Variants in IMMP2L observed in about 807,000 individuals in gnomAD.
IMMP2L encodes the protein inner mitochondrial membrane peptidase subunit 2.
Under a neutral mutation model 19.3 loss-of-function variants are expected in IMMP2L, and 18 were observed. The ratio of observed to expected loss-of-function variants is 0.93; its 90% confidence interval spans 0.64 to 1.38. The LOEUF is 1.38. Ranked by LOEUF, IMMP2L falls within the 40% of genes most tolerant of loss-of-function variation. IMMP2L has a pLI of 0.00. For synonymous variants in IMMP2L, 76 were observed against 73.0 expected, an observed-to-expected ratio of 1.04 and a Z score of -0.21; for missense variants, 233 against 218.2, an observed-to-expected ratio of 1.07 and a Z score of -0.43.
chr7:111,555,323 C>T (rs1481716267), intron 1 of IMMP2L, among the ~76,000 whole-genome samples: 1 of 152,014 alleles, frequency 6.6e-6, no homozygotes, highest in Admixed American at 6.6e-5. Flanking sequence ...GAGAGCAAGA[C>T]AGCAGTGAAC....
intron 3 of IMMP2L, among the ~76,000 whole-genome samples, chr7:111,051,883 A>C (rs1461768398): frequency 6.6e-6 from 1 of 152,208 alleles, no homozygotes; most frequent in Non-Finnish European, 1.5e-5. Context: ...CAACTGACTC[A>C]ATGGACCTCT....
chr7:111,104,630 A>C (rs2129580988), intron 3 of IMMP2L, among the ~76,000 whole-genome samples: 1 of 151,880 alleles, frequency 6.6e-6, no homozygotes, highest in East Asian at 1.9e-4. Flanking sequence ...AGTCTTTTTG[A>C]TTCGGGGAGC....
At chr7:111,276,875 C>A (rs1375530770) in intron 3 of IMMP2L, among the ~76,000 whole-genome samples, 8 of 152,050 alleles carry the variant, frequency 5.3e-5, no homozygotes, top group Admixed American at 5.3e-4. Flanking sequence ...GAAAATGCCA[C>A]CTTATTTAAT....
At chr7:111,299,666 GAT>G (rs895570655) in intron 3 of IMMP2L, among the ~76,000 whole-genome samples, 2 of 150,828 alleles carry the variant, frequency 1.3e-5, no homozygotes, top group Admixed American at 6.6e-5. Flanking sequence ...TTATTAATGA[GAT>G]AACAGTTTAC....
At position 111,519,741 on chromosome 7, in the gene IMMP2L, T is replaced by C. The variant is rs1422632786; in HGVS notation, c.135+1572A>G. Among the ~76,000 whole-genome samples, 5 of 152,072 alleles carry C rather than the reference T, an allele frequency of 3.3e-5. No homozygotes were observed. The East Asian group carries it at 5.8e-4, about 18-fold the overall frequency. On this transcript the variant is annotated intron_variant, in intron 2 of 5. Transcript: ENST00000405709. ...ATATATTAGGCTAAAAATATGAAGA[T>C]TGGGATATTATGATTGCCACATGAT...
At chr7:111,030,495 T>G (rs7801774) in intron 3 of IMMP2L, among the ~76,000 whole-genome samples, 102,929 of 149,080 alleles carry the variant, frequency 0.69, 35,504 homozygotes, top group African/African-American at 0.79. Context: ...ACAGTTAAAA[T>G]ATCTACACAA....
chr7:111,348,486 G>C (rs769406673), intron 3 of IMMP2L, among the ~76,000 whole-genome samples: 16 of 151,844 alleles, frequency 1.1e-4, no homozygotes, highest in African/African-American at 3.6e-4. Context: ...GCCAGTTTTC[G>C]GTCCATCTAA....
chr7:110,854,043 C>T (rs1003834593), intron 5 of IMMP2L, among the ~76,000 whole-genome samples: 2 of 151,740 alleles, frequency 1.3e-5, no homozygotes, highest in Non-Finnish European at 2.9e-5. Context: ...AAAGTGAAAG[C>T]AAAAGAGCCT....
chr7:111,440,790 T>C (rs1837634770), intron 3 of IMMP2L, among the ~76,000 whole-genome samples: 1 of 151,948 alleles, frequency 6.6e-6, no homozygotes, highest in Non-Finnish European at 1.5e-5. Context: ...ATCTTCTTCC[T>C]ATATAAAGCT....
intron 3 of IMMP2L, among the ~76,000 whole-genome samples, chr7:111,340,887 C>A (rs1388522460): frequency 6.6e-6 from 1 of 151,880 alleles, no homozygotes; most frequent in Non-Finnish European, 1.5e-5. Flanking sequence ...GCAAATCTAA[C>A]CTATGGAGAC....
At chr7:111,372,129 T>C (rs1830309350) in intron 3 of IMMP2L, among the ~76,000 whole-genome samples, 1 of 151,992 alleles carries the variant, frequency 6.6e-6, no homozygotes, top group South Asian at 2.1e-4. Context: ...TTGCAAGCAA[T>C]GACCAAACAA....
chr7:111,013,888 A>C (rs1026420859), intron 3 of IMMP2L, among the ~76,000 whole-genome samples: 3 of 152,110 alleles, frequency 2.0e-5, no homozygotes, highest in Non-Finnish European at 4.4e-5. Context: ...CATCTTACCA[A>C]GAAAATTCTT....
chr7:110,993,013 T>G (rs188769846), intron 3 of IMMP2L, among the ~76,000 whole-genome samples: 64 of 152,272 alleles, frequency 4.2e-4, no homozygotes, highest in Admixed American at 3.1e-3. Context: ...CTTCCTGAAC[T>G]CTCAACCTAA....
chr7:110,923,588 T>C (rs1006767423), intron 4 of IMMP2L, among the ~76,000 whole-genome samples: 1 of 152,214 alleles, frequency 6.6e-6, no homozygotes, highest in African/African-American at 2.4e-5. Context: ...CTTTTATTAG[T>C]AGAATATTTC....
intron 3 of IMMP2L, among the ~76,000 whole-genome samples, chr7:111,263,487 G>C (rs571200410): frequency 5.3e-5 from 8 of 152,224 alleles, no homozygotes; most frequent in Middle Eastern, 6.8e-3. Context: ...ATGAGGAGGA[G>C]TTCTTCTTTG....
At chr7:111,356,270 G>A (rs140857995) in intron 3 of IMMP2L, among the ~76,000 whole-genome samples, 67 of 151,862 alleles carry the variant, frequency 4.4e-4, no homozygotes, top group African/African-American at 1.5e-3. Flanking sequence ...AGCAACCAAG[G>A]ATTGAAAATA....
rs143032843 is a variant in IMMP2L, at chr7:111,012,990, C to T, written c.240-49425G>A. Among the ~76,000 whole-genome samples, 435 of 152,146 alleles carry T rather than the reference C, an allele frequency of 2.9e-3. 1 individual carries two copies. The highest frequency in any genetic ancestry group is 6.8e-3 in the Middle Eastern group (2 of 294). On this transcript the variant is annotated intron_variant, in intron 3 of 5. Transcript: ENST00000405709. Reference sequence around the variant, plus strand: ...CAGCACAATTGTACTGCATACCTGACGTATTATACATTGCACTAGGTACAA... The same window carrying T: ...CAGCACAATTGTACTGCATACCTGATGTATTATACATTGCACTAGGTACAA...
intron 3 of IMMP2L, among the ~76,000 whole-genome samples, chr7:111,211,443 T>A (rs112913715): frequency 2.6e-5 from 4 of 151,710 alleles, no homozygotes; most frequent in African/African-American, 9.7e-5. Flanking sequence ...ATGGGAGGAG[T>A]AGGAAATAGG....
At chr7:111,487,126 A>T in intron 3 of IMMP2L, 112 bp downstream of exon 3, 1 of 534,022 alleles carries the variant, frequency 1.9e-6, no homozygotes, top group Non-Finnish European at 3.3e-6. Flanking sequence ...TGTATTTAAC[A>T]TGTATTCAAT....
Sources: gnomAD v4.1 joint callset for allele counts (sites outside exome capture counted in the v4.1 genomes callset) on GRCh38, gnomAD v4.1.1 for gene constraint, MANE v1.5 for transcripts, NCBI Gene and HGNC (gene_info 2026-07-23, HGNC 2026-07-21) for gene names.